The following CACNA1E variants were observed in gnomAD, a reference collection of about 807,000 sequenced individuals.
CACNA1E encodes the protein voltage-dependent R-type calcium channel subunit alpha-1E.
CACNA1E carries 40 observed loss-of-function variants against 259.2 expected under a neutral mutation model. The ratio of observed to expected loss-of-function variants is 0.15; its 90% CI spans 0.12 to 0.20. The LOEUF is 0.20. CACNA1E is among the 10% of genes least tolerant of loss of function. The pLI is 1.00. For synonymous variants in CACNA1E, 1,104 were observed against 1,138.5 expected (o/e 0.97, Z 0.61); for missense variants, 1,874 against 3,040.1 (o/e 0.62, Z 9.02).
intron 46 of CACNA1E, among the ~76,000 whole-genome samples, chr1:181,795,688 C>T (rs686143): frequency 0.23 from 34,331 of 148,156 alleles, 4,273 homozygotes; most frequent in Middle Eastern, 0.28. Flanking sequence ...GATCCGCCCG[C>T]GTAGGCCTCC....
Position 181,776,151 on chromosome 1 carries a change from T to G in CACNA1E, c.5190T>G (p.Thr1730=). ...AVIMDNFEYL[T]RDSSILGPHH... ...TCATGGACAACTTTGAGTACCTGAC[T>G]CGGGACTCCTCCATCCTGGGGCCTC... is the stretch of plus-strand genomic sequence containing the variant. Residue 1730 remains threonine, a synonymous_variant, in exon 38 of 48, where the codon ACT becomes ACG. Coordinates refer to ENST00000367573, the MANE Select transcript of CACNA1E (RefSeq NM_001205293.3). This position sits in a 1 kb window ranked among gnomAD's most constrained non-coding sequence, Gnocchi z 4.4. 6.2e-7 allele frequency: 1 copy of G among 1,613,826 alleles called. No individual in the cohort carries two copies. The highest frequency in any genetic ancestry group is 8.5e-7 in the Non-Finnish European group (1 of 1,179,700).
intron 3 of CACNA1E, among the ~76,000 whole-genome samples, chr1:181,525,795 G>T (rs1330200941): frequency 6.6e-6 from 1 of 152,196 alleles, no homozygotes; most frequent in Non-Finnish European, 1.5e-5. Flanking sequence ...TATTATTGTG[G>T]CCATAGATTG....
chr1:181,672,248 G>A (rs1269499250), intron 7 of CACNA1E, among the ~76,000 whole-genome samples: 5 of 152,134 alleles, frequency 3.3e-5, no homozygotes, highest in Non-Finnish European at 7.4e-5. Flanking sequence ...GTGGAGGGTG[G>A]GAGGAGGGAG....
rs1156725029 is a variant in CACNA1E, at chr1:181,720,278, C to T, written c.1824C>T (p.Phe608=). The change falls in exon 14 of 48, where the codon TTC becomes TTT. Residue 608 remains phenylalanine, a synonymous_variant. Transcript: ENST00000367573. ...SSMKSIISLL[F]LLFLFIVVFA... The stretch of plus-strand genomic sequence containing the variant: ...TGAAGTCTATCATCAGTTTGCTTTT[C>T]CTCCTCTTCCTCTTCATCGTTGTCT... The T allele has an allele frequency of 1.2e-6, 2 of 1,613,832 alleles. No individual in the cohort carries two copies. Among genetic ancestry groups the T allele is most frequent in the Non-Finnish European group, 1.7e-6 (2 of 1,179,840 alleles).
chr1:181,796,699 C>T lies in CACNA1E; in HGVS notation c.6240C>T (p.Gly2080=). ...GHKSDTHRSG[G]RERGRSKERK... is the part of the protein sequence containing the mutation. ...AGTCTGACACTCACCGCTCAGGGGG[C>T]AGGGAGCGGGGACGATCAAAAGAGC... Residue 2080 remains glycine, a synonymous_variant, in exon 47 of 48, where the codon GGC becomes GGT. Coordinates refer to ENST00000367573, the MANE Select transcript of CACNA1E (RefSeq NM_001205293.3). The T allele has an allele frequency of 6.2e-7, 1 of 1,606,652 alleles. No homozygotes were observed. The highest frequency in any genetic ancestry group is 1.1e-5 in the South Asian group (1 of 90,144).
At chr1:181,612,598 A>G (rs1239904399) in intron 6 of CACNA1E, among the ~76,000 whole-genome samples, 1 of 152,202 alleles carries the variant, frequency 6.6e-6, no homozygotes, top group Non-Finnish European at 1.5e-5. Flanking sequence ...CCTGTAGGCA[A>G]TAGTCCTTGA....
chr1:181,608,594 G>A (rs1176000734), intron 6 of CACNA1E, among the ~76,000 whole-genome samples: 1 of 152,130 alleles, frequency 6.6e-6, no homozygotes, highest in Non-Finnish European at 1.5e-5. Flanking sequence ...GGAGAGCGCT[G>A]GGTGAACACA....
At chr1:181,426,837 AC>A (rs1659298052) in intron 2 of CACNA1E, among the ~76,000 whole-genome samples, 1 of 135,222 alleles carries the variant, frequency 7.4e-6, no homozygotes, top group African/African-American at 2.8e-5. Flanking sequence ...TCCCATCTAA[AC>A]CCCTTCACAT....
chr1:181,562,126 T>G (rs1227159678), intron 3 of CACNA1E, among the ~76,000 whole-genome samples: 4 of 152,288 alleles, frequency 2.6e-5, no homozygotes, highest in Non-Finnish European at 5.9e-5. Flanking sequence ...ATTTTTAAAT[T>G]TTTTGCTATT....
chr1:181,737,772 A>G, intron 23 of CACNA1E, 118 bp downstream of exon 23: 1 of 1,351,208 alleles, frequency 7.4e-7, no homozygotes, highest in Non-Finnish European at 1.0e-6. Context: ...AGGGTTGGAA[A>G]TTGTCCACTC....
Position 181,732,652 on chromosome 1 carries a change from C to T in CACNA1E, c.2566C>T (p.Leu856Phe). ...EEERISRGGS[L>F]KGDGGDRSSA... ...GGAGCGCATCAGCCGTGGGGGGTCC[C>T]TCAAGGGGGATGGAGGGGACCGATC... The change falls in exon 20 of 48, where the codon CTC becomes TTC. Residue 856 changes from leucine (L) to phenylalanine (F), a missense_variant. By Grantham distance (22) the Leu-to-Phe change is conservative. Transcript: ENST00000367573. This position sits in a 1 kb window ranked among gnomAD's most constrained non-coding sequence, Gnocchi z 5.5. The T allele has an allele frequency of 6.6e-7, 1 of 1,511,294 alleles. No homozygotes were observed. The highest frequency in any genetic ancestry group is 8.8e-7 in the Non-Finnish European group (1 of 1,132,192). 93.6% of individuals were successfully genotyped at this position (1,511,294 alleles called of 1,614,324 possible).
At chr1:181,335,980 G>T (rs1651680974) in intron 1 of CACNA1E, among the ~76,000 whole-genome samples, 1 of 152,156 alleles carries the variant, frequency 6.6e-6, no homozygotes, top group African/African-American at 2.4e-5. Context: ...CCTGATAAGT[G>T]GTTATCCAGA....
chr1:181,423,536 G>T (rs1214597833), intron 2 of CACNA1E, among the ~76,000 whole-genome samples: 1 of 151,500 alleles, frequency 6.6e-6, no homozygotes, highest in Non-Finnish European at 1.5e-5. Context: ...CTTAGTAGGG[G>T]TGATCACATT....
At chr1:181,779,819 T>TACACACACACACACACACACACACAC (rs56301632) in intron 38 of CACNA1E, among the ~76,000 whole-genome samples, 15 of 148,394 alleles carry the variant, frequency 1.0e-4, no homozygotes, top group Admixed American at 2.0e-4. Flanking sequence ...TATGCACATG[T>TACACACACACACACACACACACACAC]ACACACACAC....
At chr1:181,790,268 TCA>T (rs1661179921) in intron 43 of CACNA1E, among the ~76,000 whole-genome samples, 175 bp from the exon 44 acceptor site, 1 of 150,544 alleles carries the variant, frequency 6.6e-6, no homozygotes, top group Non-Finnish European at 1.5e-5. Context: ...GTTGAAAACA[TCA>T]GTTTCTGTCT....
At chr1:181,793,379 G>T (rs550363006) in intron 44 of CACNA1E, among the ~76,000 whole-genome samples, 1 of 152,288 alleles carries the variant, frequency 6.6e-6, no homozygotes, top group South Asian at 2.1e-4. Context: ...AGTGTTTGTT[G>T]CAGAAAACAA....
At chr1:181,715,645 G>A (rs1653814676) in intron 9 of CACNA1E, among the ~76,000 whole-genome samples, 1 of 152,198 alleles carries the variant, frequency 6.6e-6, no homozygotes, top group South Asian at 2.1e-4. Context: ...ACTGAGCAAG[G>A]AAAAGGCCAT....
At chr1:181,568,894 C>T (rs1650119283) in intron 3 of CACNA1E, among the ~76,000 whole-genome samples, 1 of 152,236 alleles carries the variant, frequency 6.6e-6, no homozygotes, top group Non-Finnish European at 1.5e-5. Flanking sequence ...GCGTGAGCCA[C>T]TGTGCCTGGC....
chr1:181,533,739 C>A (rs1191956553), intron 3 of CACNA1E, among the ~76,000 whole-genome samples: 1 of 151,974 alleles, frequency 6.6e-6, no homozygotes, highest in Non-Finnish European at 1.5e-5. Flanking sequence ...ATATTTTATA[C>A]CCTATTATAG....
Sources: gnomAD v4.1 joint callset for allele counts (sites outside exome capture counted in the v4.1 genomes callset) on GRCh38, gnomAD v4.1.1 for gene constraint, Gnocchi (gnomAD v3.1) non-coding constraint, MANE v1.5 for transcripts, NCBI Gene and HGNC (gene_info 2026-07-23, HGNC 2026-07-21) for gene names.